The following CCDC77 variants were observed in gnomAD, a reference collection of about 807,000 sequenced individuals.
The protein encoded by CCDC77 is coiled-coil domain-containing protein 77.
Under a neutral mutation model 66.8 loss-of-function variants are expected in CCDC77, and 56 were observed. That is an observed-to-expected ratio of 0.84 (90% CI 0.68 to 1.05). CCDC77 has a LOEUF of 1.05. CCDC77 is among the 50% of genes least tolerant of loss of function. The pLI, the probability that CCDC77 is intolerant of heterozygous loss-of-function variation, is 0.00. For missense variants in CCDC77, 570 were observed against 576.8 expected (o/e 0.99, Z 0.12); for synonymous variants, 196 against 195.2 (o/e 1.00, Z -0.03).
intron 4 of CCDC77, among the ~76,000 whole-genome samples, chr12:416,359 GTGTGTGTGTGTGTGTGTGTATA>G (rs1565569037): frequency 5.5e-4 from 24 of 43,530 alleles, no homozygotes; most frequent in East Asian, 1.6e-3. Flanking sequence ...GTGTGTGTGT[GTGTGTGTGTGTGTGTGTGTATA>G]TATATATATA....
upstream of CCDC77, among the ~76,000 whole-genome samples, chr12:397,867 C>T (rs1025020899): frequency 1.3e-5 from 2 of 152,080 alleles, no homozygotes; most frequent in African/African-American, 4.8e-5. Context: ...AGGATGGTCT[C>T]CATCTCCTGA....
At chr12:396,064 T>G (rs1180852749) in intron 1 of CCDC77, among the ~76,000 whole-genome samples, 1 of 151,886 alleles carries the variant, frequency 6.6e-6, no homozygotes, top group Non-Finnish European at 1.5e-5. Flanking sequence ...AAATAAAAAA[T>G]AAAAGAAAAT....
At chr12:395,471 C>T (rs1944815293) in intron 1 of CCDC77, among the ~76,000 whole-genome samples, 1 of 152,134 alleles carries the variant, frequency 6.6e-6, no homozygotes, top group African/African-American at 2.4e-5. Context: ...GGAGGGATTA[C>T]AGCTAGCCTT....
chr12:423,494 G>GTTTTTTTTTTTTTTTTT (rs56233976), intron 5 of CCDC77, among the ~76,000 whole-genome samples: 11 of 35,394 alleles, frequency 3.1e-4, no homozygotes, highest in Non-Finnish European at 5.2e-4. Flanking sequence ...TTTTTGTTTT[G>GTTTTTTTTTTTTTTTTT]TTTTTTTTTT....
Position 441,986 on chromosome 12 carries a change from A to C in CCDC77, c.*66A>C. 2 of 1,541,990 alleles carry C rather than the reference A, an allele frequency of 1.3e-6. No individual in the cohort carries two copies. The highest frequency in any genetic ancestry group is 1.8e-6 in the Non-Finnish European group (2 of 1,120,974). On this transcript the variant is annotated 3_prime_UTR_variant, in exon 13 of 13. Coordinates refer to ENST00000239830, the MANE Select transcript of CCDC77 (RefSeq NM_032358.4). ...CTTCTTGAAACCTGAGGACAAGGTCATCTGCTGCCAGAAAATGTAAACCTG... is the reference window on the plus strand; with the variant it reads ...CTTCTTGAAACCTGAGGACAAGGTCCTCTGCTGCCAGAAAATGTAAACCTG...
At chr12:411,019 C>A (rs369289965) in intron 3 of CCDC77, among the ~76,000 whole-genome samples, 1 of 151,692 alleles carries the variant, frequency 6.6e-6, no homozygotes, top group Non-Finnish European at 1.5e-5. Flanking sequence ...CTCAAGCGAT[C>A]CTCCCACCTC....
At chr12:393,365 G>A (rs1034846752) in intron 1 of CCDC77, among the ~76,000 whole-genome samples, 2 of 152,028 alleles carry the variant, frequency 1.3e-5, no homozygotes, top group Non-Finnish European at 2.9e-5. Context: ...CTCCCACCTC[G>A]GCCCCCCAAA....
At chr12:395,910 T>TA (rs1490428028) in intron 1 of CCDC77, among the ~76,000 whole-genome samples, 1 of 150,966 alleles carries the variant, frequency 6.6e-6, no homozygotes, top group East Asian at 2.0e-4. Context: ...AATAAATAAA[T>TA]AAAAAATATA....
At chr12:436,267 AC>A (rs1565577508) in intron 9 of CCDC77, among the ~76,000 whole-genome samples, 1 of 151,188 alleles carries the variant, frequency 6.6e-6, no homozygotes, top group Non-Finnish European at 1.5e-5. Context: ...ACAGGCGCCC[AC>A]CACCACGCCC....
chr12:429,668 A>G (rs1197065769), intron 6 of CCDC77, among the ~76,000 whole-genome samples: 2 of 152,136 alleles, frequency 1.3e-5, no homozygotes, highest in Non-Finnish European at 2.9e-5. Flanking sequence ...CATGTTGCCC[A>G]GGCTGGTCTC....
intron 2 of CCDC77, 114 bp from the exon 3 acceptor site, chr12:409,254 G>A (rs1945059558): frequency 1.1e-5 from 8 of 705,406 alleles, no homozygotes; most frequent in East Asian, 2.7e-5. Context: ...TAAAACATCA[G>A]ATTCTTTCCA....
intron 1 of CCDC77, among the ~76,000 whole-genome samples, chr12:403,166 T>G (rs974635847): frequency 6.6e-6 from 1 of 152,180 alleles, no homozygotes; most frequent in Non-Finnish European, 1.5e-5. Context: ...GTGTTTTAGA[T>G]GACAGAGTTA....
At chr12:406,665 G>A (rs775839395) in intron 2 of CCDC77, among the ~76,000 whole-genome samples, 1 of 152,172 alleles carries the variant, frequency 6.6e-6, no homozygotes, top group Admixed American at 6.5e-5. Context: ...GGAACAGGGG[G>A]ACCAGGCGTG....
chr12:397,903 C>T (rs1180480343), upstream of CCDC77, among the ~76,000 whole-genome samples: 1 of 152,316 alleles, frequency 6.6e-6, no homozygotes, highest in Middle Eastern at 3.4e-3. Context: ...GTCTCAGCCT[C>T]CTGCAGTGCT....
At chr12:423,403 G>A (rs1335800472) in intron 5 of CCDC77, among the ~76,000 whole-genome samples, 2 of 145,596 alleles carry the variant, frequency 1.4e-5, no homozygotes, top group South Asian at 4.3e-4. Context: ...GCCTCCCAAA[G>A]TGCTGGGATT....
rs564211349 is a variant in CCDC77, at chr12:423,195, A to C, written c.413+4559A>C. ...GAGTGCAGTGGCATGATCTTGCCTCACTGCAGCCTTTACCTACCTCCTAGG... is the reference window on the plus strand; with the variant it reads ...GAGTGCAGTGGCATGATCTTGCCTCCCTGCAGCCTTTACCTACCTCCTAGG... On this transcript the variant is annotated intron_variant, in intron 5 of 12. Coordinates refer to ENST00000239830, the MANE Select transcript of CCDC77 (RefSeq NM_032358.4). Among the ~76,000 whole-genome samples the C allele has an allele frequency of 2.7e-3, 338 of 124,528 alleles. 3 individuals are homozygous for C. The highest frequency in any genetic ancestry group is 9.8e-3 in the African/African-American group (323 of 32,864). 81.7% of individuals were successfully genotyped at this position (124,528 alleles called of 152,430 possible).
At chr12:426,134 A>G (rs1396544776) in intron 5 of CCDC77, among the ~76,000 whole-genome samples, 2 of 152,174 alleles carry the variant, frequency 1.3e-5, no homozygotes, top group Non-Finnish European at 2.9e-5. Flanking sequence ...AAGTGCTGGG[A>G]TTACAGGTGT....
At chr12:432,021 C>G (rs1565575963) in intron 8 of CCDC77, 67 bp downstream of exon 8, 1 of 891,928 alleles carries the variant, frequency 1.1e-6, no homozygotes, top group African/African-American at 1.7e-5. Context: ...GTCACATACC[C>G]TCAGTGTCAT....
At chr12:416,324 T>A (rs1945255946) in intron 4 of CCDC77, among the ~76,000 whole-genome samples, 1 of 97,844 alleles carries the variant, frequency 1.0e-5, no homozygotes, top group Non-Finnish European at 2.1e-5. Context: ...TGTGTGTGTG[T>A]GAGTCTGTGG....
Sources: gnomAD v4.1 joint callset for allele counts (sites outside exome capture counted in the v4.1 genomes callset) on GRCh38, gnomAD v4.1.1 for gene constraint, MANE v1.5 for transcripts, NCBI Gene and HGNC (gene_info 2026-07-23, HGNC 2026-07-21) for gene names.